Variants in CACNG4 observed in about 807,000 individuals in gnomAD.
The protein encoded by CACNG4 is voltage-dependent calcium channel gamma-4 subunit.
In CACNG4, 8 loss-of-function variants were observed where a neutral mutation model predicts 22.9. That is an observed-to-expected ratio of 0.35 (90% CI 0.21 to 0.63). CACNG4 has a LOEUF of 0.63. CACNG4 is among the 30% of genes least tolerant of loss of function. CACNG4 has a pLI of 0.72. For missense variants in CACNG4, 357 were observed against 455.4 expected (o/e 0.78, Z 1.97); for synonymous variants, 188 against 191.9 (o/e 0.98, Z 0.17).
Position 67,030,425 on chromosome 17 carries a change from C to T in CACNG4, c.446-41C>T. On this transcript the variant is annotated intron_variant, in intron 3 of 3. Transcript: ENST00000262138. This position sits in a 1 kb window ranked among gnomAD's most constrained non-coding sequence, Gnocchi z 6.4. ...CTGTGGGTCTAACCTCTGCCTCTCT[C>T]CCTCCCTGGCCCCGCTCCCCGCTCC... 6.3e-7 allele frequency: 1 copy of T among 1,587,862 alleles called. No individual in the cohort carries two copies. The highest frequency in any genetic ancestry group is 8.6e-7 in the Non-Finnish European group (1 of 1,161,550).
chr17:66,981,633 C>T (rs757959183), intron 1 of CACNG4, among the ~76,000 whole-genome samples: 87 of 152,166 alleles, frequency 5.7e-4, no homozygotes, highest in Non-Finnish European at 2.6e-4. Context: ...TTGAGCCGCC[C>T]GTGAGTAGGA....
chr17:66,982,413 C>A (rs1287900864), intron 1 of CACNG4, among the ~76,000 whole-genome samples: 1 of 151,980 alleles, frequency 6.6e-6, no homozygotes, highest in African/African-American at 2.4e-5. Context: ...TTACAGAGTA[C>A]CAATTGGCGC....
chr17:66,969,534 T>C (rs1421076262), intron 1 of CACNG4, among the ~76,000 whole-genome samples: 1 of 152,170 alleles, frequency 6.6e-6, no homozygotes, highest in Non-Finnish European at 1.5e-5. Flanking sequence ...GCCCCAGTCA[T>C]GTTCACGTGT....
intron 1 of CACNG4, among the ~76,000 whole-genome samples, chr17:66,967,705 G>A (rs897967659): frequency 6.6e-6 from 1 of 152,176 alleles, no homozygotes; most frequent in African/African-American, 2.4e-5. Context: ...CAAACCTCTG[G>A]GCTGAAACTA....
intron 1 of CACNG4, among the ~76,000 whole-genome samples, chr17:66,986,196 A>C (rs2035304916): frequency 6.6e-6 from 1 of 152,220 alleles, no homozygotes; most frequent in African/African-American, 2.4e-5. Context: ...GTAGGAGAAC[A>C]GAAGCAAAAG....
intron 1 of CACNG4, among the ~76,000 whole-genome samples, chr17:67,009,592 T>C (rs2035456806): frequency 6.6e-6 from 1 of 152,182 alleles, no homozygotes; most frequent in Non-Finnish European, 1.5e-5. Flanking sequence ...GTATCTGTAG[T>C]ATATAACAAA....
At position 67,018,287 on chromosome 17, in the gene CACNG4, G is replaced by A. The variant is rs1232239694; in HGVS notation, c.304+15G>A. 2 of 1,604,832 alleles carry A rather than the reference G, an allele frequency of 1.2e-6. No individual in the cohort carries two copies. The highest frequency in any genetic ancestry group is 8.5e-7 in the Non-Finnish European group (1 of 1,171,660). On this transcript the variant is annotated intron_variant, in intron 2 of 3. Transcript: ENST00000262138. ...GTACCTCCTCCGTGAGTGTCAGGAG[G>A]CCTGGACTCTCTTTCTGTGGGGAGG...
chr17:67,020,983 C>G (rs922744578), intron 2 of CACNG4, among the ~76,000 whole-genome samples: 1 of 152,192 alleles, frequency 6.6e-6, no homozygotes, highest in East Asian at 1.9e-4. Flanking sequence ...GCGTGAAGAT[C>G]GCTTGAGGTT....
At chr17:67,021,176 G>A (rs892754843) in intron 2 of CACNG4, among the ~76,000 whole-genome samples, 1 of 151,824 alleles carries the variant, frequency 6.6e-6, no homozygotes, top group Non-Finnish European at 1.5e-5. Context: ...ACTCCAGCCT[G>A]CATGACAGAG....
At chr17:67,021,395 A>C (rs1242413497) in intron 2 of CACNG4, among the ~76,000 whole-genome samples, 1 of 152,226 alleles carries the variant, frequency 6.6e-6, no homozygotes, top group African/African-American at 2.4e-5. Context: ...GTGGGCGTGG[A>C]GCACCAACCC....
chr17:66,993,382 G>C (rs1170333374), intron 1 of CACNG4, among the ~76,000 whole-genome samples: 1 of 152,202 alleles, frequency 6.6e-6, no homozygotes, highest in Non-Finnish European at 1.5e-5. Context: ...TCCTGCCACT[G>C]AGGCCATTCC....
At position 66,984,207 on chromosome 17, in the gene CACNG4, G is replaced by A. The variant is rs1339399353; in HGVS notation, c.220+19076G>A. Among the ~76,000 whole-genome samples the A allele has an allele frequency of 6.6e-6, 1 of 151,962 alleles. No individual in the cohort carries two copies. The highest frequency in any genetic ancestry group is 2.4e-5 in the African/African-American group (1 of 41,346). On this transcript the variant is annotated intron_variant, in intron 1 of 3. Coordinates refer to ENST00000262138, the MANE Select transcript of CACNG4 (RefSeq NM_014405.4). The surrounding 1 kb of genome is among the most constrained non-coding windows in gnomAD (Gnocchi z 4.0). ...CAGTTTGGCAACATAATGAGACCCC[G>A]TTTCTAACAACAACAAAAAATTAAT...
chr17:67,011,885 C>T (rs894427766), intron 1 of CACNG4, among the ~76,000 whole-genome samples: 1 of 152,130 alleles, frequency 6.6e-6, no homozygotes, highest in African/African-American at 2.4e-5. Context: ...CCCTGGCTTC[C>T]ACAGCCCCAG....
intron 1 of CACNG4, among the ~76,000 whole-genome samples, chr17:66,971,664 A>G (rs1341951258): frequency 6.6e-6 from 1 of 152,148 alleles, no homozygotes; most frequent in Non-Finnish European, 1.5e-5. Context: ...AGGGAAGGTC[A>G]TGTTTAAGCC....
chr17:67,021,157 T>G (rs1298474601), intron 2 of CACNG4, among the ~76,000 whole-genome samples: 1 of 151,558 alleles, frequency 6.6e-6, no homozygotes, highest in Non-Finnish European at 1.5e-5. Context: ...GCCACGATCG[T>G]GCCACTGCAC....
rs914393039 is a variant in CACNG4, at chr17:66,984,556, C to T, written c.220+19425C>T. ...AGCCCTGTGCTATGTTCTGGGGACT[C>T]GTTCATTCATTCATTCAGCACTTAT... On this transcript the variant is annotated intron_variant, in intron 1 of 3. Transcript: ENST00000262138. This position sits in a 1 kb window ranked among gnomAD's most constrained non-coding sequence, Gnocchi z 4.0. 1.3e-5 allele frequency among the ~76,000 whole-genome samples: 2 copies of T among 152,158 alleles called. No individual in the cohort carries two copies. The highest frequency in any genetic ancestry group is 6.5e-5 in the Admixed American group (1 of 15,280).
intron 1 of CACNG4, among the ~76,000 whole-genome samples, chr17:66,996,904 C>T (rs2035378842): frequency 6.6e-6 from 1 of 152,124 alleles, no homozygotes; most frequent in African/African-American, 2.4e-5. Flanking sequence ...AGCGCCTGCC[C>T]TGATGACTTC....
In CACNG4 at chr17:67,030,962, T is replaced by C. The variant is rs761363046; in HGVS notation, c.942T>C (p.Gly314=). 3.1e-6 allele frequency: 5 copies of C among 1,613,636 alleles called. No individual in the cohort carries two copies. The highest frequency in any genetic ancestry group is 4.2e-6 in the Non-Finnish European group (5 of 1,179,846). ...HDFFQQDLKE[G]FHVSMLNRRT... is the part of the protein sequence containing the mutation. ...TTTTCCAGCAGGACCTGAAGGAAGGTTTCCACGTCAGCATGCTGAACCGAC... is the reference window on the plus strand; with the variant it reads ...TTTTCCAGCAGGACCTGAAGGAAGGCTTCCACGTCAGCATGCTGAACCGAC... The change falls in exon 4 of 4, where the codon GGT becomes GGC. Residue 314 remains glycine (G), a synonymous_variant. Transcript: ENST00000262138. The surrounding 1 kb of genome is among the most constrained non-coding windows in gnomAD (Gnocchi z 6.4).
chr17:66,994,397 G>A (rs1021589105), intron 1 of CACNG4, among the ~76,000 whole-genome samples: 10 of 151,596 alleles, frequency 6.6e-5, no homozygotes, highest in African/African-American at 2.4e-4. Context: ...TCAGCACACC[G>A]TGTGTGTCAG....
Sources: gnomAD v4.1 joint callset for allele counts (sites outside exome capture counted in the v4.1 genomes callset) on GRCh38, gnomAD v4.1.1 for gene constraint, Gnocchi (gnomAD v3.1) non-coding constraint, MANE v1.5 for transcripts, NCBI Gene and HGNC (gene_info 2026-07-23, HGNC 2026-07-21) for gene names.